Variants in ODAD2 observed in about 807,000 individuals in gnomAD.
ODAD2 encodes outer dynein arm docking complex subunit 2, also known as outer dynein arm-docking complex subunit 2.
ODAD2 carries 89 observed loss-of-function variants against 106.8 expected under a neutral mutation model. The ratio of observed to expected loss-of-function variants is 0.83; its 90% confidence interval spans 0.70 to 0.99. ODAD2 has a LOEUF of 0.99. Ranked by LOEUF, ODAD2 falls within the 50% of genes least tolerant of loss-of-function variation. The probability of loss-of-function intolerance (pLI) is 0.00; values close to 1 mark genes in which losing one functional copy is unlikely to be tolerated. For synonymous variants in ODAD2, 404 were observed against 436.2 expected (o/e 0.93, Z 0.92); for missense variants, 1,168 against 1,238.5 (o/e 0.94, Z 0.85).
At chr10:27,855,937 TG>T (rs1308341818) in intron 19 of ODAD2, among the ~76,000 whole-genome samples, 1 of 152,182 alleles carries the variant, frequency 6.6e-6, no homozygotes, top group Non-Finnish European at 1.5e-5. Flanking sequence ...AATGACACCA[TG>T]GGGAAAGAAG....
intron 19 of ODAD2, among the ~76,000 whole-genome samples, chr10:27,818,566 C>A (rs1403866767): frequency 6.6e-6 from 1 of 152,098 alleles, no homozygotes; most frequent in African/African-American, 2.4e-5. Context: ...GATTAGAGGA[C>A]CTAATCCTAT....
chr10:27,938,614 T>C (rs1439945048), intron 14 of ODAD2, among the ~76,000 whole-genome samples: 1 of 151,478 alleles, frequency 6.6e-6, no homozygotes, highest in Non-Finnish European at 1.5e-5. Flanking sequence ...CTTTTTTTTT[T>C]CTCTTCTGAG....
At chr10:27,995,354 A>G (rs1850497974) in intron 1 of ODAD2, among the ~76,000 whole-genome samples, 174 bp from the exon 2 acceptor site, 1 of 152,180 alleles carries the variant, frequency 6.6e-6, no homozygotes, top group African/African-American at 2.4e-5. Context: ...GTAAACCAGC[A>G]CTAGATAAAA....
intron 16 of ODAD2, among the ~76,000 whole-genome samples, chr10:27,920,830 A>G (rs1254057658): frequency 2.0e-5 from 3 of 152,048 alleles, no homozygotes; most frequent in Non-Finnish European, 4.4e-5. Context: ...TCTCCTTTTT[A>G]CAAAGAACAA....
intron 10 of ODAD2, among the ~76,000 whole-genome samples, chr10:27,945,566 G>A (rs571804033): frequency 6.6e-6 from 1 of 152,254 alleles, no homozygotes; most frequent in East Asian, 1.9e-4. Flanking sequence ...TGAACGCAGA[G>A]TCTTGCAAAC....
chr10:27,939,746 T>TA, intron 14 of ODAD2, 151 bp downstream of exon 14: 1 of 465,848 alleles, frequency 2.1e-6, no homozygotes, highest in Middle Eastern at 5.5e-4. Context: ...TCTAAAAAAA[T>TA]AAAAATAAAT....
intron 6 of ODAD2, 184 bp from the exon 7 acceptor site, chr10:27,981,766 T>C: frequency 2.3e-6 from 1 of 442,798 alleles, no homozygotes; most frequent in Middle Eastern, 6.0e-4. Context: ...TATTTTTCCA[T>C]TCATTCACTC....
At chr10:27,856,386 CT>C (rs757319222) in intron 19 of ODAD2, among the ~76,000 whole-genome samples, 3 of 152,242 alleles carry the variant, frequency 2.0e-5, no homozygotes, top group Middle Eastern at 3.4e-3. Flanking sequence ...AACACAAACC[CT>C]TTTGAAACTT....
chr10:27,973,173 C>G (rs559898543), intron 7 of ODAD2, among the ~76,000 whole-genome samples: 10 of 151,928 alleles, frequency 6.6e-5, no homozygotes, highest in Admixed American at 3.3e-4. Flanking sequence ...ATACAATGCT[C>G]ATAAAGAAAT....
chr10:27,890,283 G>A (rs1589938210), intron 17 of ODAD2, among the ~76,000 whole-genome samples: 1 of 152,150 alleles, frequency 6.6e-6, no homozygotes, highest in East Asian at 1.9e-4. Context: ...TTTTGACATG[G>A]CACAGTTTCT....
chr10:27,946,776 T>C (rs2132658076), intron 10 of ODAD2, among the ~76,000 whole-genome samples: 1 of 152,330 alleles, frequency 6.6e-6, no homozygotes, highest in South Asian at 2.1e-4. Flanking sequence ...TGTACACATA[T>C]GCAAACCCTC....
chr10:27,827,849 G>A (rs1008807601), intron 19 of ODAD2, among the ~76,000 whole-genome samples: 16 of 152,068 alleles, frequency 1.1e-4, no homozygotes, highest in Admixed American at 3.9e-4. Flanking sequence ...CAGGGTCTTC[G>A]GCAGGCTCCA....
At chr10:27,931,751 T>G (rs1046839545) in intron 16 of ODAD2, among the ~76,000 whole-genome samples, 1 of 147,512 alleles carries the variant, frequency 6.8e-6, no homozygotes, top group Non-Finnish European at 1.5e-5. Context: ...AATTTCAAGG[T>G]GGCAACTAGA....
At chr10:27,959,517 G>A (rs1413968690) in intron 10 of ODAD2, among the ~76,000 whole-genome samples, 2 of 152,042 alleles carry the variant, frequency 1.3e-5, no homozygotes, top group Non-Finnish European at 1.5e-5. Context: ...GTCACCGTGC[G>A]TGCCAGTCTG....
At chr10:27,921,776 T>C (rs537100612) in intron 16 of ODAD2, among the ~76,000 whole-genome samples, 2 of 148,290 alleles carry the variant, frequency 1.3e-5, no homozygotes, top group Admixed American at 1.3e-4. Context: ...GCAAAATAAT[T>C]AGACAAGCAT....
intron 3 of ODAD2, among the ~76,000 whole-genome samples, chr10:27,987,081 C>T (rs1849918780): frequency 6.6e-6 from 1 of 152,176 alleles, no homozygotes; most frequent in African/African-American, 2.4e-5. Context: ...GGCTACAGCC[C>T]CCTGTGCTTT....
Position 27,981,448 on chromosome 10 carries a change from A to G in ODAD2, c.936+18T>C. The G allele has an allele frequency of 6.8e-7, 1 of 1,475,422 alleles. No homozygotes were observed. Among genetic ancestry groups the G allele is most frequent in the Non-Finnish European group, 8.9e-7 (1 of 1,119,512 alleles). The allele number at this position is 1,475,422 out of a possible 1,614,324, so 91.4% of individuals were successfully genotyped here. A position where few individuals can be genotyped will look rare whatever the true frequency, so the allele number is the denominator to read the frequency against. On this transcript the variant is annotated intron_variant, in intron 7 of 19. Coordinates refer to ENST00000305242, the MANE Select transcript of ODAD2 (RefSeq NM_018076.5). ...TAACATAATGCTATGAAAGCTCAAA[A>G]GAAACCATAAAACTTACCAATTTAG...
At chr10:27,865,182 A>G (rs1840352252) in intron 17 of ODAD2, among the ~76,000 whole-genome samples, 1 of 151,620 alleles carries the variant, frequency 6.6e-6, no homozygotes, top group Non-Finnish European at 1.5e-5. Context: ...CTCTTCTCCA[A>G]CCTCCCCCAC....
intron 17 of ODAD2, among the ~76,000 whole-genome samples, chr10:27,868,235 G>A (rs1369560641): frequency 2.0e-5 from 3 of 152,132 alleles, no homozygotes; most frequent in Non-Finnish European, 4.4e-5. Context: ...TGGTGGGAGT[G>A]TAAATTAGTT....
Sources: allele counts gnomAD v4.1 joint callset (sites outside exome capture counted in the v4.1 genomes callset), GRCh38; gene constraint gnomAD v4.1.1; transcripts MANE v1.5; gene names NCBI Gene and HGNC (gene_info 2026-07-23, HGNC 2026-07-21).